FRAS1: variants seen among roughly 807,000 people sequenced by gnomAD.
FRAS1 encodes extracellular matrix organizing protein FRAS1.
In FRAS1, 290 loss-of-function variants were observed where a neutral mutation model predicts 435.2. The observed-to-expected ratio is 0.67, with a 90% CI of 0.61 to 0.73. The LOEUF is 0.73. Among genes scored for constraint, FRAS1 ranks in the 30% least tolerant of loss-of-function variants. The probability of loss-of-function intolerance (pLI) is 0.00; values close to 1 mark genes in which losing one functional copy is unlikely to be tolerated. For synonymous variants in FRAS1, 1,800 were observed against 1,851.0 expected (o/e 0.97, Z 0.71); for missense variants, 4,860 against 5,001.5 (o/e 0.97, Z 0.85).
chr4:78,398,876 A>G (rs1732771628), intron 29 of FRAS1, among the ~76,000 whole-genome samples: 1 of 152,148 alleles, frequency 6.6e-6, no homozygotes, highest in Non-Finnish European at 1.5e-5. Flanking sequence ...CCAGCTACTC[A>G]GGAGGCTGAA....
intron 9 of FRAS1, among the ~76,000 whole-genome samples, chr4:78,277,256 C>A (rs982371904): frequency 6.6e-6 from 1 of 152,204 alleles, no homozygotes; most frequent in Non-Finnish European, 1.5e-5. Context: ...TGACCCCTTG[C>A]ACTTCCCTGG....
chr4:78,156,217 A>C (rs1014578221), intron 2 of FRAS1, among the ~76,000 whole-genome samples: 2 of 152,202 alleles, frequency 1.3e-5, no homozygotes, highest in East Asian at 1.9e-4. Flanking sequence ...GAAATTCATG[A>C]AAGATTTCTC....
intron 30 of FRAS1, among the ~76,000 whole-genome samples, chr4:78,403,753 C>T (rs1040893020): frequency 1.8e-4 from 28 of 152,272 alleles, no homozygotes; most frequent in African/African-American, 6.3e-4. Context: ...TTGAAATTAT[C>T]GTTAATTGAA....
At chr4:78,538,565 G>T (rs1389797499) in intron 72 of FRAS1, among the ~76,000 whole-genome samples, 1 of 152,122 alleles carries the variant, frequency 6.6e-6, no homozygotes, top group Non-Finnish European at 1.5e-5. Flanking sequence ...TGGCTGGGGA[G>T]GCCTCTTACA....
chr4:78,177,173 C>T (rs1020622697), intron 2 of FRAS1, among the ~76,000 whole-genome samples: 2 of 151,512 alleles, frequency 1.3e-5, no homozygotes, highest in African/African-American at 2.4e-5. Flanking sequence ...CTGCAAGCTC[C>T]GCCTCCTGGG....
At chr4:78,302,269 G>T (rs13148307) in intron 14 of FRAS1, among the ~76,000 whole-genome samples, 42,008 of 150,984 alleles carry the variant, frequency 0.28, 6,544 homozygotes, top group Admixed American at 0.35. Flanking sequence ...TGGACATTTG[G>T]GTTGGTTCCA....
Position 78,429,133 on chromosome 4 carries a change from A to G in FRAS1, c.4750A>G (p.Thr1584Ala). 2 of 1,573,674 alleles carry G rather than the reference A, an allele frequency of 1.3e-6. No homozygotes were observed. Among genetic ancestry groups the G allele is most frequent in the Non-Finnish European group, 1.7e-6 (2 of 1,159,382 alleles). ...ACACACAAGTCCGGAGATGGTCCTC[A>G]CCATTCACTTACTTCCCAGTGATCA... is the stretch of plus-strand genomic sequence containing the variant. ...GEHTSPEMVL[T>A]IHLLPSDQQL... The change falls in exon 36 of 74, where the codon ACC becomes GCC. Residue 1584 changes from threonine (T) to alanine (A), a missense_variant. Coordinates refer to ENST00000512123, the MANE Select transcript of FRAS1 (RefSeq NM_025074.7).
At chr4:78,481,165 C>T (rs1335316664) in intron 56 of FRAS1, among the ~76,000 whole-genome samples, 1 of 152,218 alleles carries the variant, frequency 6.6e-6, no homozygotes, top group Non-Finnish European at 1.5e-5. Context: ...TGAAGCTTTT[C>T]TCTGCCCTTG....
rs1053169100 is a variant in FRAS1, at chr4:78,450,082, A to G, written c.6275-69A>G. On this transcript the variant is annotated intron_variant, in intron 44 of 73. Transcript: ENST00000512123. ...GTGATAATTTAGCCTCCAGTCTCCT[A>G]AAATCATTTGACATCCCGTTCAAAG... 8.4e-6 allele frequency: 11 copies of G among 1,304,488 alleles called. No individual in the cohort carries two copies. The African/African-American group carries it at 1.4e-4, about 16-fold the overall frequency. 80.8% of individuals were successfully genotyped at this position (1,304,488 alleles called of 1,614,324 possible). A position where few individuals can be genotyped will look rare whatever the true frequency, so the allele number is the denominator to read the frequency against.
At chr4:78,238,281 C>G (rs1312335683) in intron 3 of FRAS1, among the ~76,000 whole-genome samples, 1 of 147,356 alleles carries the variant, frequency 6.8e-6, no homozygotes, top group Non-Finnish European at 1.5e-5. Flanking sequence ...CTTCTGACTA[C>G]ACATCTATTC....
At chr4:78,320,134 A>G (rs1464270212) in intron 18 of FRAS1, among the ~76,000 whole-genome samples, 1 of 152,246 alleles carries the variant, frequency 6.6e-6, no homozygotes, top group African/African-American at 2.4e-5. Context: ...TCCAGACTCC[A>G]GAGGATTTTC....
intron 47 of FRAS1, among the ~76,000 whole-genome samples, chr4:78,463,501 G>C (rs1719434102): frequency 6.6e-6 from 1 of 152,280 alleles, no homozygotes; most frequent in South Asian, 2.1e-4. Flanking sequence ...GAGTTAAAAA[G>C]AACCTTGAAG....
At chr4:78,451,317 C>A (rs771017782) in intron 45 of FRAS1, among the ~76,000 whole-genome samples, 1 of 152,146 alleles carries the variant, frequency 6.6e-6, no homozygotes, top group Admixed American at 6.5e-5. Context: ...CATGTTGCTC[C>A]GTGAACTGGG....
At position 78,267,547 on chromosome 4, in the gene FRAS1, T is replaced by G. The variant is rs373386072; in HGVS notation, c.981+115T>G. On this transcript the variant is annotated intron_variant, in intron 9 of 73. Transcript: ENST00000512123. ...CAGCAGGGATGTCCACATTGACTTC[T>G]CACACTTCATAGGACCTTCTAGTGT... The G allele has an allele frequency of 1.8e-5, 16 of 908,698 alleles. 1 individual carries two copies. The African/African-American group carries it at 2.2e-4, about 12-fold the overall frequency. The allele number at this position is 908,698 out of a possible 1,614,324, so 56.3% of individuals were successfully genotyped here. A position where few individuals can be genotyped will look rare whatever the true frequency, so the allele number is the denominator to read the frequency against.
rs1721306337 is a variant in FRAS1 at position 78,519,136 on chromosome 4, A to C, written c.10390-195A>C. Among the ~76,000 whole-genome samples, 4 of 152,354 alleles carry C rather than the reference A, an allele frequency of 2.6e-5. No individual in the cohort carries two copies. The South Asian group carries it at 8.3e-4, about 32-fold the overall frequency. On this transcript the variant is annotated intron_variant, in intron 66 of 73. Coordinates refer to ENST00000512123, the MANE Select transcript of FRAS1 (RefSeq NM_025074.7). ...TGCACGTGACCCTGTCGAAAGAAGC[A>C]TCCCGGCTGCTTTCTATTCCATTAG... is the stretch of plus-strand genomic sequence containing the variant.
rs764198118 is a variant in FRAS1 at position 78,308,040 on chromosome 4, T to G, written c.1535-26T>G. On this transcript the variant is annotated intron_variant, in intron 14 of 73. Coordinates refer to ENST00000512123, the MANE Select transcript of FRAS1 (RefSeq NM_025074.7). ...ACCAGTCCTTTCTGCCGTAGATTAC[T>G]CACTGATTTTGCTATTCGTCTGCAG... 1.8e-5 allele frequency: 28 copies of G among 1,576,148 alleles called. No homozygotes were observed. In the South Asian group the frequency reaches 2.3e-4, roughly 13 times the overall value.
intron 2 of FRAS1, among the ~76,000 whole-genome samples, chr4:78,211,552 A>G (rs1444804225): frequency 6.6e-6 from 1 of 152,128 alleles, no homozygotes; most frequent in Non-Finnish European, 1.5e-5. Context: ...TGTACCCTCT[A>G]GCTGCCTTCC....
intron 2 of FRAS1, among the ~76,000 whole-genome samples, chr4:78,144,187 A>C (rs1003885180): frequency 3.9e-5 from 6 of 151,956 alleles, no homozygotes; most frequent in Non-Finnish European, 7.4e-5. Context: ...AAGAAGAAAA[A>C]AAGAATGATA....
intron 2 of FRAS1, chr4:78,072,007 T>G (rs938785240): frequency 6.6e-6 from 1 of 151,882 alleles, no homozygotes; most frequent in African/African-American, 2.4e-5. Flanking sequence ...TCTCTCCATA[T>G]TGCTAAATAT....
Sources: gnomAD v4.1 joint callset for allele counts (sites outside exome capture counted in the v4.1 genomes callset) on GRCh38, gnomAD v4.1.1 for gene constraint, MANE v1.5 for transcripts, NCBI Gene and HGNC (gene_info 2026-07-23, HGNC 2026-07-21) for gene names.